Variants in MAML2 observed in about 807,000 individuals in gnomAD.
MAML2 encodes the protein mastermind-like protein 2.
Under a neutral mutation model 96.1 loss-of-function variants are expected in MAML2, and 22 were observed. The ratio of observed to expected loss-of-function variants is 0.23; its 90% CI spans 0.16 to 0.33. The LOEUF (loss-of-function observed/expected upper bound fraction) is 0.33, where lower values mean the gene tolerates loss of function less well. MAML2 is among the 10% of genes least tolerant of loss of function. The pLI is 1.00. For missense variants in MAML2, 1,367 were observed against 1,392.4 expected (o/e 0.98, Z 0.29); for synonymous variants, 561 against 521.3 (o/e 1.08, Z -1.04).
In MAML2 at chr11:96,302,365, T is replaced by A. The variant is rs555928616; in HGVS notation, c.513+39018A>T. On this transcript the variant is annotated intron_variant, in intron 1 of 4. Transcript: ENST00000524717. ...ATGTACTTTCATCTGTTGTTCTGGC[T>A]CACTCAGCATCCATTCTTCTCTGTG... 1.7e-4 allele frequency among the ~76,000 whole-genome samples: 26 copies of A among 152,344 alleles called. No individual in the cohort carries two copies. In the South Asian group the frequency reaches 5.2e-3, roughly 30 times the overall value.
intron 2 of MAML2, among the ~76,000 whole-genome samples, chr11:96,040,724 G>A (rs1214796501): frequency 6.6e-6 from 1 of 152,154 alleles, no homozygotes; most frequent in Non-Finnish European, 1.5e-5. Flanking sequence ...CCGAGATCGT[G>A]CCACTGCACT....
chr11:96,214,047 A>G (rs1224844700), intron 1 of MAML2, among the ~76,000 whole-genome samples: 1 of 152,242 alleles, frequency 6.6e-6, no homozygotes, highest in Non-Finnish European at 1.5e-5. Context: ...GAACAAAGAG[A>G]CAATTGTAAA....
chr11:96,053,669 A>T (rs538874316), intron 2 of MAML2, among the ~76,000 whole-genome samples: 45 of 152,286 alleles, frequency 3.0e-4, no homozygotes, highest in African/African-American at 1.0e-3. Context: ...AGAAAACACT[A>T]TCAAATTTTC....
chr11:96,267,796 A>G (rs772076908), intron 1 of MAML2, among the ~76,000 whole-genome samples: 4 of 152,224 alleles, frequency 2.6e-5, no homozygotes, highest in Admixed American at 6.5e-5. Context: ...TCCCTCAAGC[A>G]TGGTGGGAGG....
intron 1 of MAML2, among the ~76,000 whole-genome samples, chr11:96,100,745 T>TTC (rs1393984504): frequency 3.3e-4 from 50 of 149,288 alleles, no homozygotes; most frequent in Non-Finnish European, 6.0e-4. Context: ...CTTTTTTTTT[T>TTC]TTCTTTTTTT....
intron 1 of MAML2, among the ~76,000 whole-genome samples, chr11:96,251,006 G>C (rs367834012): frequency 2.4e-5 from 3 of 123,212 alleles, no homozygotes; most frequent in East Asian, 4.0e-4. Context: ...GGTAAGGGGT[G>C]AGGGAGAAGA....
At chr11:96,195,179 T>C (rs1423200317) in intron 1 of MAML2, among the ~76,000 whole-genome samples, 1 of 152,140 alleles carries the variant, frequency 6.6e-6, no homozygotes, top group African/African-American at 2.4e-5. Context: ...TACTGAATAT[T>C]CATGCATTCA....
At chr11:96,094,522 A>G (rs1271285194) in intron 1 of MAML2, among the ~76,000 whole-genome samples, 1 of 152,262 alleles carries the variant, frequency 6.6e-6, no homozygotes, top group Non-Finnish European at 1.5e-5. Flanking sequence ...GAGCTTGTCT[A>G]AACAGCAACA....
chr11:96,223,089 T>G (rs982984037), intron 1 of MAML2, among the ~76,000 whole-genome samples: 1 of 152,208 alleles, frequency 6.6e-6, no homozygotes, highest in Admixed American at 6.5e-5. Flanking sequence ...ACACTTCATT[T>G]TTAATACTTT....
chr11:96,138,851 C>T (rs1292114443), intron 1 of MAML2, among the ~76,000 whole-genome samples: 1 of 152,136 alleles, frequency 6.6e-6, no homozygotes, highest in Non-Finnish European at 1.5e-5. Flanking sequence ...GGCTGAGTCC[C>T]TTACTTTTAT....
intron 3 of MAML2, among the ~76,000 whole-genome samples, chr11:95,986,245 C>T (rs1857826684): frequency 6.6e-6 from 1 of 152,108 alleles, no homozygotes; most frequent in Non-Finnish European, 1.5e-5. Context: ...TGCTCTGTCA[C>T]CCAGAGTGGA....
intron 2 of MAML2, among the ~76,000 whole-genome samples, chr11:96,086,537 CAAG>C (rs1426934126): frequency 6.6e-6 from 1 of 151,804 alleles, no homozygotes; most frequent in African/African-American, 2.4e-5. Context: ...GCAATAGAAA[CAAG>C]AATATGCCTG....
At chr11:96,292,595 T>C (rs1022281847) in intron 1 of MAML2, among the ~76,000 whole-genome samples, 11 of 152,222 alleles carry the variant, frequency 7.2e-5, no homozygotes, top group Non-Finnish European at 1.5e-4. Context: ...CCATTGTTCT[T>C]CTCTACCATG....
chr11:96,032,650 C>T (rs1047114912), intron 2 of MAML2, among the ~76,000 whole-genome samples: 1 of 151,330 alleles, frequency 6.6e-6, no homozygotes, highest in African/African-American at 2.4e-5. Flanking sequence ...TCAAATGTCT[C>T]TTATTTGGTG....
At chr11:96,140,106 A>G (rs951749957) in intron 1 of MAML2, among the ~76,000 whole-genome samples, 4 of 152,220 alleles carry the variant, frequency 2.6e-5, no homozygotes, top group African/African-American at 9.6e-5. Flanking sequence ...GCCTCCATAG[A>G]TGATTTTATC....
intron 1 of MAML2, among the ~76,000 whole-genome samples, chr11:96,264,144 C>T (rs1253533964): frequency 6.6e-6 from 1 of 152,204 alleles, no homozygotes; most frequent in African/African-American, 2.4e-5. Flanking sequence ...AACTATTCAT[C>T]CCCAAGTAAC....
rs1043014041 is a variant in MAML2, at chr11:96,341,676, A to G, written c.220T>C (p.Leu74=). 5.7e-6 allele frequency: 9 copies of G among 1,592,764 alleles called. No individual in the cohort carries two copies. Among genetic ancestry groups the G allele is most frequent in the Non-Finnish European group, 7.7e-6 (9 of 1,169,476 alleles). Residue 74 remains leucine, a synonymous_variant, in exon 1 of 5, where the codon TTG becomes CTG. Transcript: ENST00000524717. The stretch of plus-strand genomic sequence containing the variant: ...TGCTGTACAAGGCTCAGGAGCTGCA[A>G]GGTGCTTTCTCTTTCCCGGTCTGAG... ...ESSDREREST[L]QLLSLVQHGQ...
intron 1 of MAML2, among the ~76,000 whole-genome samples, chr11:96,307,103 T>C (rs1038007362): frequency 2.6e-5 from 4 of 152,144 alleles, no homozygotes; most frequent in Non-Finnish European, 5.9e-5. Context: ...CCCAACAAAA[T>C]ACAAACTCTC....
chr11:96,196,403 T>A (rs1318326672), intron 1 of MAML2, among the ~76,000 whole-genome samples: 1 of 152,236 alleles, frequency 6.6e-6, no homozygotes, highest in Non-Finnish European at 1.5e-5. Context: ...AAACCCCTCC[T>A]CTTGGGGAAA....
Sources: allele counts gnomAD v4.1 joint callset (sites outside exome capture counted in the v4.1 genomes callset), GRCh38; gene constraint gnomAD v4.1.1; transcripts MANE v1.5; gene names NCBI Gene and HGNC (gene_info 2026-07-23, HGNC 2026-07-21).